Variants in KCNIP4 observed in about 807,000 individuals in gnomAD.
KCNIP4 encodes Kv channel-interacting protein 4.
In KCNIP4, 12 loss-of-function variants were observed where a neutral mutation model predicts 34.0. The ratio of observed to expected loss-of-function variants is 0.35; its 90% CI spans 0.23 to 0.57. KCNIP4 has a LOEUF of 0.57. KCNIP4 is among the 20% of genes least tolerant of loss of function. The probability of loss-of-function intolerance (pLI) is 0.83; values close to 1 mark genes in which losing one functional copy is unlikely to be tolerated. For missense variants in KCNIP4, 238 were observed against 311.7 expected, an observed-to-expected ratio of 0.76 and a Z score of 1.78; for synonymous variants, 124 against 102.2, an observed-to-expected ratio of 1.21 and a Z score of -1.29.
At position 21,450,809 on chromosome 4, in the gene KCNIP4, C is replaced by T. The variant is rs572814923; in HGVS notation, c.61+497762G>A. Among the ~76,000 whole-genome samples, 27 of 152,184 alleles carry T rather than the reference C, an allele frequency of 1.8e-4. No individual in the cohort carries two copies. The South Asian group carries it at 1.9e-3, about 11-fold the overall frequency. ...GTATTATAAGAACCAAATATAAGCA[C>T]GTGCAGATACTTTGAAAAGTTTAAT... On this transcript the variant is annotated intron_variant, in intron 1 of 8. Coordinates refer to ENST00000382152, the MANE Select transcript of KCNIP4 (RefSeq NM_025221.6).
At chr4:21,221,556 G>C (rs1757981434) in intron 1 of KCNIP4, among the ~76,000 whole-genome samples, 1 of 152,084 alleles carries the variant, frequency 6.6e-6, no homozygotes, top group African/African-American at 2.4e-5. Flanking sequence ...TCACTATCAT[G>C]AGAACAGCAC....
intron 1 of KCNIP4, among the ~76,000 whole-genome samples, chr4:21,114,822 A>G (rs1283670287): frequency 1.3e-5 from 2 of 152,182 alleles, no homozygotes; most frequent in South Asian, 2.1e-4. Flanking sequence ...TTGCAGAGAC[A>G]TGACTTGAAC....
intron 1 of KCNIP4, among the ~76,000 whole-genome samples, chr4:21,523,219 T>G (rs1386714131): frequency 2.6e-5 from 4 of 152,166 alleles, no homozygotes; most frequent in Admixed American, 2.6e-4. Flanking sequence ...AAGCTTATGG[T>G]ATTTTGTTAA....
At chr4:21,567,898 C>T (rs1382690191) in intron 1 of KCNIP4, among the ~76,000 whole-genome samples, 1 of 152,104 alleles carries the variant, frequency 6.6e-6, no homozygotes. Context: ...GGCAGAAACA[C>T]ATGATTCCTA....
chr4:21,513,379 A>G (rs1198629647), intron 1 of KCNIP4, among the ~76,000 whole-genome samples: 5 of 152,202 alleles, frequency 3.3e-5, no homozygotes, highest in African/African-American at 9.6e-5. Flanking sequence ...GAAAGCATCA[A>G]CAGACAACAA....
intron 1 of KCNIP4, among the ~76,000 whole-genome samples, chr4:21,351,385 T>C (rs1308500030): frequency 6.6e-6 from 1 of 152,118 alleles, no homozygotes; most frequent in Non-Finnish European, 1.5e-5. Flanking sequence ...TAAAGAGCAG[T>C]TTCCCTACAC....
intron 1 of KCNIP4, among the ~76,000 whole-genome samples, chr4:21,700,505 G>C (rs898927994): frequency 2.6e-5 from 4 of 151,552 alleles, no homozygotes; most frequent in Non-Finnish European, 4.4e-5. Flanking sequence ...TCAGATGTAT[G>C]GTTTGCAAAT....
rs1225648417 is a variant in KCNIP4 at position 21,632,644 on chromosome 4, C to T, written c.61+315927G>A. On this transcript the variant is annotated intron_variant, in intron 1 of 8. Coordinates refer to ENST00000382152, the MANE Select transcript of KCNIP4 (RefSeq NM_025221.6). ...GTTTATAATGAGTCACACTTCAGTGCAAGACATACAAAGTAGAACCATGTA... is the reference window on the plus strand; with the variant it reads ...GTTTATAATGAGTCACACTTCAGTGTAAGACATACAAAGTAGAACCATGTA... Among the ~76,000 whole-genome samples, 3 of 152,232 alleles carry T rather than the reference C, an allele frequency of 2.0e-5. No homozygotes were observed. The East Asian group carries it at 5.8e-4, about 29-fold the overall frequency.
intron 1 of KCNIP4, among the ~76,000 whole-genome samples, chr4:21,676,861 T>A (rs1462201071): frequency 6.6e-6 from 1 of 152,028 alleles, no homozygotes. Flanking sequence ...TAAAATTACA[T>A]AATTAATACT....
intron 1 of KCNIP4, among the ~76,000 whole-genome samples, chr4:21,651,462 T>C (rs1445894482): frequency 6.6e-6 from 1 of 152,178 alleles, no homozygotes; most frequent in Non-Finnish European, 1.5e-5. Context: ...CTCACAACTG[T>C]TTAGAGAAAT....
chr4:21,443,706 G>A (rs1727691566), intron 1 of KCNIP4, among the ~76,000 whole-genome samples: 1 of 152,118 alleles, frequency 6.6e-6, no homozygotes, highest in Non-Finnish European at 1.5e-5. Context: ...CCTGAGGTAA[G>A]AGAATTGCTT....
chr4:21,535,356 G>A (rs1241571555), intron 1 of KCNIP4, among the ~76,000 whole-genome samples: 2 of 152,164 alleles, frequency 1.3e-5, no homozygotes, highest in African/African-American at 2.4e-5. Context: ...TTCGACATAT[G>A]TTTTCAATGA....
At chr4:21,715,103 T>A (rs28375719) in intron 1 of KCNIP4, among the ~76,000 whole-genome samples, 1 of 29,318 alleles carries the variant, frequency 3.4e-5, no homozygotes, top group Non-Finnish European at 5.4e-5. Flanking sequence ...ATTTTTGAGA[T>A]GGAGTCTGGC....
chr4:20,944,386 C>G (rs567626799), intron 1 of KCNIP4, among the ~76,000 whole-genome samples: 55 of 152,296 alleles, frequency 3.6e-4, no homozygotes, highest in African/African-American at 1.2e-3. Flanking sequence ...AGCCACTATC[C>G]CTTTCACTCA....
At chr4:20,987,139 C>T (rs1438314532) in intron 1 of KCNIP4, among the ~76,000 whole-genome samples, 3 of 152,104 alleles carry the variant, frequency 2.0e-5, no homozygotes, top group Non-Finnish European at 4.4e-5. Flanking sequence ...AGAAGAGTTG[C>T]CTGCATAGCG....
intron 1 of KCNIP4, among the ~76,000 whole-genome samples, chr4:21,032,645 C>G (rs751010481): frequency 3.3e-5 from 5 of 152,062 alleles, no homozygotes; most frequent in Non-Finnish European, 7.3e-5. Context: ...GTTTTGTGAA[C>G]TGAGAATGCG....
chr4:21,462,280 T>C (rs1729524347), intron 1 of KCNIP4, among the ~76,000 whole-genome samples: 1 of 152,174 alleles, frequency 6.6e-6, no homozygotes, highest in African/African-American at 2.4e-5. Flanking sequence ...AAAGGTTTAA[T>C]TGGACTTACA....
chr4:21,538,906 A>C (rs1294829243), intron 1 of KCNIP4, among the ~76,000 whole-genome samples: 1 of 152,136 alleles, frequency 6.6e-6, no homozygotes, highest in Admixed American at 6.5e-5. Flanking sequence ...ATCTCATCTC[A>C]AATTGTAATC....
rs115465757 is a variant in KCNIP4 at position 21,549,581 on chromosome 4, C to G, written c.61+398990G>C. On this transcript the variant is annotated intron_variant, in intron 1 of 8. Transcript: ENST00000382152. ...AGATGCTGGTACCATGTCTCCCATACAGCCTGCAGAACTGTGACCCAACTA... is the reference window on the plus strand; with the variant it reads ...AGATGCTGGTACCATGTCTCCCATAGAGCCTGCAGAACTGTGACCCAACTA... Among the ~76,000 whole-genome samples, 25 of 152,124 alleles carry G rather than the reference C, an allele frequency of 1.6e-4. No homozygotes were observed. In the South Asian group the frequency reaches 1.7e-3, roughly 10 times the overall value.
Sources: gnomAD v4.1 joint callset for allele counts (sites outside exome capture counted in the v4.1 genomes callset) on GRCh38, gnomAD v4.1.1 for gene constraint, MANE v1.5 for transcripts, NCBI Gene and HGNC (gene_info 2026-07-23, HGNC 2026-07-21) for gene names.